CCSER1: variants seen among roughly 807,000 people sequenced by gnomAD.
CCSER1 encodes the protein coiled-coil serine rich protein 1, also known as serine-rich coiled-coil domain-containing protein 1.
CCSER1 carries 41 observed loss-of-function variants against 82.0 expected under a neutral mutation model. The ratio of observed to expected loss-of-function variants is 0.50; its 90% CI spans 0.39 to 0.65. CCSER1 has a LOEUF of 0.65. CCSER1 is among the 30% of genes least tolerant of loss of function. The probability of loss-of-function intolerance (pLI) is 0.00; values close to 1 mark genes in which losing one functional copy is unlikely to be tolerated. For missense variants in CCSER1, 1,119 were observed against 1,064.2 expected (o/e 1.05, Z -0.72); for synonymous variants, 414 against 383.9 (o/e 1.08, Z -0.92).
intron 9 of CCSER1, among the ~76,000 whole-genome samples, chr4:90,955,112 AT>A (rs756620954): frequency 6.6e-6 from 1 of 152,126 alleles, no homozygotes; most frequent in African/African-American, 2.4e-5. Context: ...TGTTCTATGT[AT>A]TTATTCTGTT....
chr4:91,101,683 G>A (rs886338685), intron 10 of CCSER1, among the ~76,000 whole-genome samples: 37 of 149,712 alleles, frequency 2.5e-4, no homozygotes, highest in African/African-American at 8.6e-4. Context: ...CTACCTCCAA[G>A]CAAAATAAAA....
At chr4:90,268,379 A>G (rs1725636706) in intron 1 of CCSER1, among the ~76,000 whole-genome samples, 1 of 152,190 alleles carries the variant, frequency 6.6e-6, no homozygotes, top group South Asian at 2.1e-4. Flanking sequence ...AGAAACAATG[A>G]TAAGTTAAAA....
intron 1 of CCSER1, among the ~76,000 whole-genome samples, chr4:90,257,877 C>G (rs1723636705): frequency 6.6e-6 from 1 of 152,228 alleles, no homozygotes; most frequent in Non-Finnish European, 1.5e-5. Context: ...TTGGATAAGC[C>G]CCACTCATAT....
At chr4:90,917,878 G>GC (rs1207360724) in intron 8 of CCSER1, among the ~76,000 whole-genome samples, 1 of 151,890 alleles carries the variant, frequency 6.6e-6, no homozygotes, top group East Asian at 1.9e-4. Context: ...TGAAAAGTTA[G>GC]CTTTTCCCCT....
intron 10 of CCSER1, among the ~76,000 whole-genome samples, chr4:91,171,293 G>A (rs1732726694): frequency 6.6e-6 from 1 of 152,072 alleles, no homozygotes; most frequent in African/African-American, 2.4e-5. Context: ...AAATCTAAAA[G>A]TCTAAGTTAT....
chr4:91,597,537 C>G (rs1426434281), intron 10 of CCSER1, among the ~76,000 whole-genome samples: 1 of 151,968 alleles, frequency 6.6e-6, no homozygotes, highest in Non-Finnish European at 1.5e-5. Flanking sequence ...AAGGGAAATT[C>G]TTGGGGAAGA....
intron 8 of CCSER1, among the ~76,000 whole-genome samples, chr4:90,816,730 T>C (rs1303334709): frequency 1.3e-5 from 2 of 152,148 alleles, no homozygotes; most frequent in African/African-American, 4.8e-5. Flanking sequence ...TTAATGATTA[T>C]TTCAGACTCA....
intron 9 of CCSER1, among the ~76,000 whole-genome samples, chr4:91,006,474 C>A (rs549385964): frequency 6.6e-6 from 1 of 150,862 alleles, no homozygotes. Context: ...TATTTGGATG[C>A]CTTTTATTTC....
chr4:90,170,901 T>C (rs183986721), intron 1 of CCSER1, among the ~76,000 whole-genome samples: 1 of 151,970 alleles, frequency 6.6e-6, no homozygotes, highest in African/African-American at 2.4e-5. Flanking sequence ...GATTGCTGGA[T>C]CATATGGTAG....
chr4:90,501,818 A>G (rs1397764777), intron 5 of CCSER1, among the ~76,000 whole-genome samples: 1 of 152,134 alleles, frequency 6.6e-6, no homozygotes, highest in African/African-American at 2.4e-5. Flanking sequence ...TTATATTTTT[A>G]TGTATTGTAT....
chr4:90,252,504 T>G (rs72877747), intron 1 of CCSER1, among the ~76,000 whole-genome samples: 6,806 of 151,904 alleles, frequency 0.045, 397 homozygotes, highest in African/African-American at 0.13. Flanking sequence ...AGATTTTTAA[T>G]TTTTGTGGGT....
chr4:90,381,230 AG>A (rs1489855810), intron 3 of CCSER1, among the ~76,000 whole-genome samples: 2 of 152,242 alleles, frequency 1.3e-5, no homozygotes, highest in African/African-American at 4.8e-5. Flanking sequence ...TTAGGGCAGA[AG>A]AGAATGACCA....
chr4:90,178,575 A>G (rs373189685), intron 1 of CCSER1, among the ~76,000 whole-genome samples: 1 of 152,138 alleles, frequency 6.6e-6, no homozygotes, highest in East Asian at 1.9e-4. Context: ...TTGAATATAA[A>G]TAAGTGTTAA....
chr4:90,648,284 G>GGAAAGAAAGAAAGAAAGAAA lies in CCSER1; in HGVS notation c.1932+20091_1932+20110dup, dbSNP rs564907502. Among the ~76,000 whole-genome samples, 75 of 89,948 alleles carry GGAAAGAAAGAAAGAAAGAAA rather than the reference G, an allele frequency of 8.3e-4. 1 individual carries two copies. The highest frequency in any genetic ancestry group is 2.6e-3 in the East Asian group (9 of 3,462). The allele number at this position is 89,948 out of a possible 152,430, so 59.0% of individuals were successfully genotyped here. A position where few individuals can be genotyped will look rare whatever the true frequency, so the allele number is the denominator to read the frequency against. On this transcript the variant is annotated intron_variant, in intron 6 of 10. Transcript: ENST00000509176. Reference sequence around the variant, plus strand: ...AGAAAGAAAGAGAGAGAGAAAGAAAGGAAAGAAAGAAAGAAAGAAAGAAAG... The same window carrying GGAAAGAAAGAAAGAAAGAAA: ...AGAAAGAAAGAGAGAGAGAAAGAAAGGAAAGAAAGAAAGAAAGAAAGAAAGAAAGAAAGAAAGAAAGAAAG...
intron 10 of CCSER1, among the ~76,000 whole-genome samples, chr4:91,145,831 A>G (rs1463795633): frequency 6.6e-6 from 1 of 152,090 alleles, no homozygotes; most frequent in African/African-American, 2.4e-5. Context: ...CTGTTAGCCT[A>G]ATATGTTTCC....
At chr4:91,018,378 G>A (rs1234541227) in intron 9 of CCSER1, among the ~76,000 whole-genome samples, 1 of 151,930 alleles carries the variant, frequency 6.6e-6, no homozygotes, top group Non-Finnish European at 1.5e-5. Flanking sequence ...AAATATGTAG[G>A]TTTTCTTCAT....
intron 9 of CCSER1, among the ~76,000 whole-genome samples, chr4:91,075,732 G>A (rs1164743645): frequency 6.6e-6 from 1 of 152,080 alleles, no homozygotes; most frequent in Non-Finnish European, 1.5e-5. Flanking sequence ...GTATATATAA[G>A]TGAACACAAA....
At chr4:91,027,547 T>G (rs1235938020) in intron 9 of CCSER1, among the ~76,000 whole-genome samples, 1 of 152,036 alleles carries the variant, frequency 6.6e-6, no homozygotes, top group Non-Finnish European at 1.5e-5. Context: ...GTGAAATGTC[T>G]TTTTGGGGCA....
At chr4:91,115,859 ATT>A (rs371115368) in intron 10 of CCSER1, among the ~76,000 whole-genome samples, 11 of 102,234 alleles carry the variant, frequency 1.1e-4, no homozygotes, top group South Asian at 3.4e-4. Context: ...ATATATATAT[ATT>A]TTTTTTTATT....
Sources: allele counts gnomAD v4.1 joint callset (sites outside exome capture counted in the v4.1 genomes callset), GRCh38; gene constraint gnomAD v4.1.1; transcripts MANE v1.5; gene names NCBI Gene and HGNC (gene_info 2026-07-23, HGNC 2026-07-21).